The following HIPK3 variants were observed in gnomAD, a reference collection of about 807,000 sequenced individuals.
The protein encoded by HIPK3 is homeodomain interacting protein kinase 3.
Under a neutral mutation model 124.2 loss-of-function variants are expected in HIPK3, and 47 were observed. The observed-to-expected ratio is 0.38, with a 90% CI of 0.30 to 0.48. The LOEUF (loss-of-function observed/expected upper bound fraction) is 0.48. Ranked by LOEUF, HIPK3 falls within the 20% of genes least tolerant of loss-of-function variation. The pLI is 0.98. For synonymous variants in HIPK3, 482 were observed against 515.2 expected (o/e 0.94, Z 0.87); for missense variants, 1,286 against 1,454.3 (o/e 0.88, Z 1.88).
At position 33,354,700 on chromosome 11, in the gene HIPK3, G is replaced by GTT. The variant is rs11429812; in HGVS notation, c.*1145_*1146dup. The GTT allele has an allele frequency of 2.1e-3, 305 of 143,228 alleles. No homozygotes were observed. Among genetic ancestry groups the GTT allele is most frequent in the Middle Eastern group, 7.3e-3 (2 of 274 alleles). The allele number at this position is 143,228 out of a possible 1,614,324, so 8.9% of individuals were successfully genotyped here. A position where few individuals can be genotyped will look rare whatever the true frequency, so the allele number is the denominator to read the frequency against. On this transcript the variant is annotated 3_prime_UTR_variant, in exon 17 of 17. Coordinates refer to ENST00000303296, the MANE Select transcript of HIPK3 (RefSeq NM_005734.5). Reference sequence around the variant, plus strand: ...ATTTTTGATTTATGCATGTGAGAGGGTTTTTTTTTTTTTTAAGTATTTTTA... The same window carrying GTT: ...ATTTTTGATTTATGCATGTGAGAGGGTTTTTTTTTTTTTTTTAAGTATTTTTA...
At chr11:33,330,061 G>A (rs758055836) in intron 3 of HIPK3, among the ~76,000 whole-genome samples, 17 of 152,058 alleles carry the variant, frequency 1.1e-4, no homozygotes, top group Non-Finnish European at 1.9e-4. Context: ...ATTTTATAAA[G>A]GAGAAAACTG....
chr11:33,261,568 A>G (rs1850828790), intron 1 of HIPK3, among the ~76,000 whole-genome samples: 1 of 152,186 alleles, frequency 6.6e-6, no homozygotes, highest in African/African-American at 2.4e-5. Flanking sequence ...ATGGCTGCAT[A>G]GTATTCCATG....
At position 33,306,465 on chromosome 11, in the gene HIPK3, C is replaced by CTT. The variant is rs11408287; in HGVS notation, c.1097+18961_1097+18962dup. ...TAAAGATTTTACTTGCTCTAAATTG[C>CTT]TTTTTTTTAAAAAAAATTAAGTCAT... On this transcript the variant is annotated intron_variant, in intron 2 of 16. Coordinates refer to ENST00000303296, the MANE Select transcript of HIPK3 (RefSeq NM_005734.5). Among the ~76,000 whole-genome samples the CTT allele has an allele frequency of 1.3e-3, 201 of 151,704 alleles. 1 individual carries two copies. Among genetic ancestry groups the CTT allele is most frequent in the African/African-American group, 3.1e-3 (129 of 41,386 alleles).
intron 1 of HIPK3, among the ~76,000 whole-genome samples, chr11:33,263,616 A>C (rs534005807): frequency 1.3e-5 from 2 of 152,314 alleles, no homozygotes; most frequent in South Asian, 2.1e-4. Flanking sequence ...CCTGGCTGCT[A>C]TGATTTTAAA....
chr11:33,336,305 G>A (rs1853146320), intron 3 of HIPK3, among the ~76,000 whole-genome samples: 1 of 152,104 alleles, frequency 6.6e-6, no homozygotes, highest in African/African-American at 2.4e-5. Flanking sequence ...ATCACCCTTG[G>A]GAGAGCCCAT....
intron 15 of HIPK3, 119 bp from the exon 16 acceptor site, chr11:33,352,019 T>C: frequency 8.9e-7 from 1 of 1,129,632 alleles, no homozygotes; most frequent in African/African-American, 1.6e-5. Flanking sequence ...ACCTCTCCTT[T>C]GATTTTATTT....
intron 3 of HIPK3, among the ~76,000 whole-genome samples, chr11:33,333,242 AG>A (rs1853042100): frequency 6.6e-6 from 1 of 152,200 alleles, no homozygotes; most frequent in Non-Finnish European, 1.5e-5. Flanking sequence ...TGCTTTTCAA[AG>A]TAAGGCGACA....
chr11:33,356,814 G>A lies in HIPK3; in HGVS notation c.*3246G>A, dbSNP rs757989566. 2 of 152,016 alleles carry A rather than the reference G, an allele frequency of 1.3e-5. No homozygotes were observed. The highest frequency in any genetic ancestry group is 1.5e-5 in the Non-Finnish European group (1 of 67,924). The allele number at this position is 152,016 out of a possible 1,614,324, so 9.4% of individuals were successfully genotyped here. ...ATTGCACTGTGCAATATTACAATAA[G>A]GACTGGGAAAATTTTATGGATGTAA... On this transcript the variant is annotated 3_prime_UTR_variant, in exon 17 of 17. Transcript: ENST00000303296.
At chr11:33,275,771 A>G (rs1453780725) in intron 1 of HIPK3, among the ~76,000 whole-genome samples, 1 of 152,220 alleles carries the variant, frequency 6.6e-6, no homozygotes, top group Non-Finnish European at 1.5e-5. Flanking sequence ...TTATATAATG[A>G]CCAACAGCTT....
chr11:33,336,428 ATC>A (rs1473622564), intron 3 of HIPK3, among the ~76,000 whole-genome samples: 3 of 152,168 alleles, frequency 2.0e-5, no homozygotes, highest in African/African-American at 7.2e-5. Flanking sequence ...ATCAATCTAA[ATC>A]TCTTTTGAAT....
At chr11:33,311,769 A>C (rs767745127) in intron 2 of HIPK3, among the ~76,000 whole-genome samples, 6 of 150,794 alleles carry the variant, frequency 4.0e-5, no homozygotes, top group Non-Finnish European at 8.9e-5. Flanking sequence ...GCACTTTGGG[A>C]GGCTGAGGCA....
chr11:33,347,584 A>G (rs1590192794), intron 9 of HIPK3, 45 bp from the exon 10 acceptor site: 1 of 1,598,270 alleles, frequency 6.3e-7, no homozygotes, highest in Non-Finnish European at 8.5e-7. Flanking sequence ...AAGTTCAATT[A>G]CTTATAACTT....
intron 2 of HIPK3, among the ~76,000 whole-genome samples, chr11:33,296,618 CTT>C (rs1325759388): frequency 6.6e-6 from 1 of 152,102 alleles, no homozygotes; most frequent in Non-Finnish European, 1.5e-5. Flanking sequence ...ATATTTCAAA[CTT>C]TATTATTATT....
intron 1 of HIPK3, chr11:33,258,472 T>C: frequency 1.0e-6 from 1 of 984,950 alleles, no homozygotes; most frequent in Non-Finnish European, 1.2e-6. Context: ...CGTGCGTGCG[T>C]GTGTGTGATT....
Position 33,257,536 on chromosome 11 carries a change from T to A in HIPK3, c.-356T>A. 1.0e-6 allele frequency: 1 copy of A among 985,486 alleles called. No individual in the cohort carries two copies. Among genetic ancestry groups the A allele is most frequent in the Non-Finnish European group, 1.2e-6 (1 of 830,038 alleles). The allele number at this position is 985,486 out of a possible 1,614,324, so 61.0% of individuals were successfully genotyped here. A position where few individuals can be genotyped will look rare whatever the true frequency, so the allele number is the denominator to read the frequency against. On this transcript the variant is annotated 5_prime_UTR_variant, in exon 1 of 17. Transcript: ENST00000303296. ...CCCAATCGCCGTGGGCCCCGCACCC[T>A]GCGTCGCCCGTAGGCCCCAGTAGCC...
At chr11:33,317,056 C>T (rs554270363) in intron 2 of HIPK3, among the ~76,000 whole-genome samples, 5 of 152,136 alleles carry the variant, frequency 3.3e-5, no homozygotes, top group Admixed American at 6.5e-5. Flanking sequence ...CTGCAACCTC[C>T]GCCTCCTAGG....
At chr11:33,310,589 A>G (rs1186005639) in intron 2 of HIPK3, among the ~76,000 whole-genome samples, 2 of 152,150 alleles carry the variant, frequency 1.3e-5, no homozygotes, top group African/African-American at 2.4e-5. Flanking sequence ...GATTACAGGC[A>G]TGAGCCACCG....
Position 33,297,778 on chromosome 11 carries a change from CTTTTTTTTTTTTTT to C in HIPK3, c.1097+10280_1097+10293del, listed in dbSNP as rs1015881408. 5.5e-4 allele frequency among the ~76,000 whole-genome samples: 45 copies of C among 81,992 alleles called. 1 individual carries two copies. The East Asian group carries it at 0.012, about 22-fold the overall frequency. The allele number at this position is 81,992 out of a possible 152,430, so 53.8% of individuals were successfully genotyped here. On this transcript the variant is annotated intron_variant, in intron 2 of 16. Coordinates refer to ENST00000303296, the MANE Select transcript of HIPK3 (RefSeq NM_005734.5). ...TGGCTTCAGAACTTCAAAGAACAGG[CTTTTTTTTTTTTTT>C]TTTTTTTTTTTTCTTGAGATGGAGT...
intron 1 of HIPK3, among the ~76,000 whole-genome samples, chr11:33,262,750 TTAAAC>T (rs1426323281): frequency 6.6e-6 from 1 of 152,210 alleles, no homozygotes; most frequent in Non-Finnish European, 1.5e-5. Context: ...TTTTGTTACT[TTAAAC>T]TAATTTCTCT....
Sources: allele counts gnomAD v4.1 joint callset (sites outside exome capture counted in the v4.1 genomes callset), GRCh38; gene constraint gnomAD v4.1.1; transcripts MANE v1.5; gene names NCBI Gene and HGNC (gene_info 2026-07-23, HGNC 2026-07-21).